Variants in SH3BGRL2 observed in about 807,000 individuals in gnomAD.
SH3BGRL2 encodes SH3 domain binding glutamate rich protein like 2.
SH3BGRL2 carries 21 observed loss-of-function variants against 14.8 expected under a neutral mutation model. The ratio of observed to expected loss-of-function variants is 1.42; its 90% CI spans 1.01 to 2.05. The LOEUF is 2.05. SH3BGRL2 is among the 30% of genes most tolerant of loss of function. SH3BGRL2 has a pLI of 0.00. For missense variants in SH3BGRL2, 147 were observed against 130.8 expected (o/e 1.12, Z -0.61); for synonymous variants, 50 against 47.8 (o/e 1.05, Z -0.19).
intron 1 of SH3BGRL2, among the ~76,000 whole-genome samples, chr6:79,636,579 AAAAACTGGGGTGCTTAAAT>A (rs2127722640): frequency 6.6e-6 from 1 of 152,278 alleles, no homozygotes; most frequent in African/African-American, 2.4e-5. Context: ...ACACAATACC[AAAAACTGGGGTGCTTAAAT>A]AAAAGAAATT....
the SH3BGRL2 span, among the ~76,000 whole-genome samples, chr6:79,610,682 T>A: frequency 1.3e-5 from 2 of 152,208 alleles, no homozygotes; most frequent in African/African-American, 4.8e-5. Context: ...GTTTCGACAT[T>A]CACATTTAGG....
the SH3BGRL2 span, among the ~76,000 whole-genome samples, chr6:79,612,948 A>G: frequency 1.3e-5 from 2 of 152,206 alleles, no homozygotes; most frequent in African/African-American, 4.8e-5. Flanking sequence ...CTTCCTGGCC[A>G]CATAAAGGTC....
At chr6:79,598,769 TAAAAA>T in the SH3BGRL2 span, among the ~76,000 whole-genome samples, 2 of 151,990 alleles carry the variant, frequency 1.3e-5, no homozygotes, top group Non-Finnish European at 1.5e-5. Flanking sequence ...AATGAAGTTA[TAAAAA>T]ATAAAAAATA....
intron 1 of SH3BGRL2, among the ~76,000 whole-genome samples, chr6:79,666,031 C>T (rs904117025): frequency 3.3e-5 from 5 of 152,166 alleles, no homozygotes; most frequent in Admixed American, 2.0e-4. Flanking sequence ...ACTCTACACC[C>T]CTGCCCTGCT....
chr6:79,564,787 A>G, the SH3BGRL2 span, among the ~76,000 whole-genome samples: 1 of 152,154 alleles, frequency 6.6e-6, no homozygotes. Context: ...CATTTTTGCA[A>G]TTAAAATAGG....
chr6:79,631,478 T>C lies in SH3BGRL2; in HGVS notation c.17T>C (p.Phe6Ser). 6.6e-7 allele frequency: 1 copy of C among 1,504,140 alleles called. No individual in the cohort carries two copies. Among genetic ancestry groups the C allele is most frequent in the South Asian group, 1.3e-5 (1 of 76,716 alleles). The allele number at this position is 1,504,140 out of a possible 1,614,324, so 93.2% of individuals were successfully genotyped here. A position where few individuals can be genotyped will look rare whatever the true frequency, so the allele number is the denominator to read the frequency against. ...AGCGAGAGGATGGTCATCCGCGTGT[T>C]CATCGCCTCTTCCTCGGGCTTCGTG... MVIRV[F>S]IASSSGFVAI... The change falls in exon 1 of 4, where the codon TTC (phenylalanine) becomes TCC (serine). Residue 6 changes from phenylalanine (F) to serine (S), a missense_variant. Physicochemically the swap from Phe to Ser is radical, Grantham distance 155 (BLOSUM62 -2). Coordinates refer to ENST00000369838, the MANE Select transcript of SH3BGRL2 (RefSeq NM_031469.4).
the SH3BGRL2 span, among the ~76,000 whole-genome samples, chr6:79,581,709 A>T: frequency 1.3e-5 from 2 of 152,214 alleles, no homozygotes; most frequent in African/African-American, 4.8e-5. Context: ...AACTGGAAGC[A>T]TTCCCTTTGA....
chr6:79,666,849 A>G (rs966498510), intron 1 of SH3BGRL2, among the ~76,000 whole-genome samples: 2 of 152,238 alleles, frequency 1.3e-5, no homozygotes, highest in African/African-American at 2.4e-5. Flanking sequence ...GAAGTGTGAA[A>G]GCAGGTGAAA....
chr6:79,675,827 T>G (rs1769869928), intron 2 of SH3BGRL2, among the ~76,000 whole-genome samples: 1 of 73,186 alleles, frequency 1.4e-5, no homozygotes, highest in Non-Finnish European at 3.8e-5. Flanking sequence ...TTCTGTTAGT[T>G]GTGTTGTTCC....
At chr6:79,592,498 T>A in the SH3BGRL2 span, among the ~76,000 whole-genome samples, 1 of 152,174 alleles carries the variant, frequency 6.6e-6, no homozygotes, top group African/African-American at 2.4e-5. Flanking sequence ...GAGGTACCCA[T>A]AAGGAATTAA....
chr6:79,688,603 T>A (rs184297498), intron 2 of SH3BGRL2, among the ~76,000 whole-genome samples: 193 of 152,308 alleles, frequency 1.3e-3, no homozygotes, highest in African/African-American at 4.5e-3. Flanking sequence ...TGAGCCTATT[T>A]GGAAACTTTA....
the SH3BGRL2 span, among the ~76,000 whole-genome samples, chr6:79,542,244 C>G: frequency 2.0e-5 from 3 of 151,606 alleles, no homozygotes; most frequent in Non-Finnish European, 4.4e-5. Flanking sequence ...TTTCTCAGAT[C>G]CTAGCCTGCC....
At chr6:79,617,238 T>C in the SH3BGRL2 span, among the ~76,000 whole-genome samples, 1 of 152,124 alleles carries the variant, frequency 6.6e-6, no homozygotes, top group Admixed American at 6.6e-5. Context: ...TGAAACACTT[T>C]CATTCAATGA....
At chr6:79,563,247 G>A in the SH3BGRL2 span, among the ~76,000 whole-genome samples, 4 of 151,864 alleles carry the variant, frequency 2.6e-5, no homozygotes, top group African/African-American at 7.2e-5. Context: ...AAAGTGCTGG[G>A]ATTACAGGCA....
intron 2 of SH3BGRL2, among the ~76,000 whole-genome samples, chr6:79,693,610 G>T (rs9352754): frequency 0.092 from 14,034 of 151,958 alleles, 1,114 homozygotes; most frequent in East Asian, 0.42. Flanking sequence ...CATCTATTGA[G>T]ATAATCATGT....
At chr6:79,641,992 A>T (rs1769042346) in intron 1 of SH3BGRL2, among the ~76,000 whole-genome samples, 1 of 152,212 alleles carries the variant, frequency 6.6e-6, no homozygotes, top group South Asian at 2.1e-4. Flanking sequence ...TGGATATTTT[A>T]TAGGTACATG....
chr6:79,604,232 G>A, the SH3BGRL2 span, among the ~76,000 whole-genome samples: 15 of 152,144 alleles, frequency 9.9e-5, no homozygotes, highest in Non-Finnish European at 1.5e-4. Flanking sequence ...AATCCACATG[G>A]ACAAAGGTTA....
intron 1 of SH3BGRL2, among the ~76,000 whole-genome samples, chr6:79,657,612 AT>A (rs1333878648): frequency 2.6e-4 from 40 of 151,414 alleles, no homozygotes; most frequent in Non-Finnish European, 4.6e-4. Flanking sequence ...AGACTTGTTA[AT>A]TTTTTTTAAT....
At chr6:79,649,985 T>TCTCTCTCACA (rs765159303) in intron 1 of SH3BGRL2, among the ~76,000 whole-genome samples, 18 of 142,076 alleles carry the variant, frequency 1.3e-4, no homozygotes, top group South Asian at 2.4e-4. Context: ...TCTCTCTCTC[T>TCTCTCTCACA]CACACACACA....
Sources: allele counts gnomAD v4.1 joint callset (sites outside exome capture counted in the v4.1 genomes callset), GRCh38; gene constraint gnomAD v4.1.1; transcripts MANE v1.5; gene names NCBI Gene and HGNC (gene_info 2026-07-23, HGNC 2026-07-21).